The following LDB2 variants were observed in gnomAD, a reference collection of about 807,000 sequenced individuals.
The protein encoded by LDB2 is LIM domain binding 2, also known as LIM domain-binding protein 2.
In LDB2, 12 loss-of-function variants were observed where a neutral mutation model predicts 44.3. That is an observed-to-expected ratio of 0.27 (90% confidence interval 0.17 to 0.44). The LOEUF (loss-of-function observed/expected upper bound fraction) is 0.44, where lower values mean the gene tolerates loss of function less well. Among genes scored for constraint, LDB2 ranks in the 20% least tolerant of loss-of-function variants. The probability of loss-of-function intolerance (pLI) is 1.00; values close to 1 mark genes in which losing one functional copy is unlikely to be tolerated. For missense variants in LDB2, 344 were observed against 473.5 expected, an observed-to-expected ratio of 0.73 and a Z score of 2.54; for synonymous variants, 164 against 174.8, an observed-to-expected ratio of 0.94 and a Z score of 0.49.
At chr4:16,712,985 T>G (rs1756262872) in intron 2 of LDB2, among the ~76,000 whole-genome samples, 1 of 152,218 alleles carries the variant, frequency 6.6e-6, no homozygotes, top group South Asian at 2.1e-4. Context: ...ATAAATAAAT[T>G]GTGGTATAAC....
chr4:16,716,490 G>C (rs990891881), intron 2 of LDB2, among the ~76,000 whole-genome samples: 1 of 152,160 alleles, frequency 6.6e-6, no homozygotes, highest in Admixed American at 6.6e-5. Flanking sequence ...TGGGATTTGC[G>C]ACACCTGAAG....
intron 2 of LDB2, among the ~76,000 whole-genome samples, chr4:16,670,701 A>T (rs1744500582): frequency 6.6e-6 from 1 of 152,240 alleles, no homozygotes; most frequent in Non-Finnish European, 1.5e-5. Flanking sequence ...TTACTTAACT[A>T]TCCTATGCTT....
intron 3 of LDB2, among the ~76,000 whole-genome samples, chr4:16,592,953 T>C (rs2152435463): frequency 6.6e-6 from 1 of 152,296 alleles, no homozygotes; most frequent in Admixed American, 6.5e-5. Context: ...AAACCTTGTT[T>C]TCTATTTGAT....
rs1346826246 is a variant in LDB2 at position 16,502,112 on chromosome 4, AG to A, written c.*530del. ...TGTTGCCCAATGAAAGAAAACATAA[AG>A]AAAAAAAAAATAAGGTACATTTAAA... is the stretch of plus-strand genomic sequence containing the variant. On this transcript the variant is annotated 3_prime_UTR_variant, in exon 8 of 8. Transcript: ENST00000304523. 6.5e-6 allele frequency: 1 copy of A among 153,478 alleles called. No homozygotes were observed. Among genetic ancestry groups the A allele is most frequent in the Non-Finnish European group, 1.5e-5 (1 of 68,706 alleles). The allele number at this position is 153,478 out of a possible 1,614,324, so 9.5% of individuals were successfully genotyped here. A position where few individuals can be genotyped will look rare whatever the true frequency, so the allele number is the denominator to read the frequency against.
chr4:16,630,210 G>A lies in LDB2; in HGVS notation c.236-34335C>T, dbSNP rs908908508. 3.9e-5 allele frequency among the ~76,000 whole-genome samples: 6 copies of A among 152,328 alleles called. No individual in the cohort carries two copies. The East Asian group carries it at 9.7e-4, about 25-fold the overall frequency. On this transcript the variant is annotated intron_variant, in intron 2 of 7. Transcript: ENST00000304523. Reference sequence around the variant, plus strand: ...AGATAAAGGTCGAGTTACCCATAAAGAGAAGCCCAACAGACTAACAGTGAT... The same window carrying A: ...AGATAAAGGTCGAGTTACCCATAAAAAGAAGCCCAACAGACTAACAGTGAT...
At chr4:16,760,554 C>A (rs550495047) in intron 1 of LDB2, among the ~76,000 whole-genome samples, 1 of 152,270 alleles carries the variant, frequency 6.6e-6, no homozygotes, top group South Asian at 2.1e-4. Flanking sequence ...CATGGATCCA[C>A]GTACAAAGTA....
In LDB2 at chr4:16,824,948, C is replaced by T. The variant is rs569341374; in HGVS notation, c.133-65688G>A. On this transcript the variant is annotated intron_variant, in intron 1 of 7. Coordinates refer to ENST00000304523, the MANE Select transcript of LDB2 (RefSeq NM_001290.5). The stretch of plus-strand genomic sequence containing the variant: ...GAAAGCATTACACTGTGATGTCATA[C>T]ATGTTAATGGTACCTAAATAGTACC... Among the ~76,000 whole-genome samples, 5 of 152,314 alleles carry T rather than the reference C, an allele frequency of 3.3e-5. No homozygotes were observed. The South Asian group carries it at 6.2e-4, about 19-fold the overall frequency.
chr4:16,538,567 G>T (rs1321090871), intron 5 of LDB2, among the ~76,000 whole-genome samples: 3 of 152,176 alleles, frequency 2.0e-5, no homozygotes, highest in African/African-American at 7.2e-5. Flanking sequence ...TCACTTGCTT[G>T]CTGAGCACCT....
intron 2 of LDB2, among the ~76,000 whole-genome samples, chr4:16,746,223 A>T (rs1022671548): frequency 6.6e-6 from 1 of 152,360 alleles, no homozygotes; most frequent in Middle Eastern, 3.4e-3. Context: ...ACTGTAAAGC[A>T]TTATTAGAAT....
chr4:16,584,162 G>C (rs371498311), intron 5 of LDB2, among the ~76,000 whole-genome samples: 1 of 152,152 alleles, frequency 6.6e-6, no homozygotes, highest in African/African-American at 2.4e-5. Flanking sequence ...TACATGATGA[G>C]ACTGAACACA....
At chr4:16,834,375 A>G (rs192916841) in intron 1 of LDB2, among the ~76,000 whole-genome samples, 6 of 152,346 alleles carry the variant, frequency 3.9e-5, no homozygotes, top group Admixed American at 6.5e-5. Context: ...CAGATCTGAC[A>G]TCACTGTGCC....
Position 16,617,305 on chromosome 4 carries a change from G to GA in LDB2, c.236-21431dup, listed in dbSNP as rs368774047. Among the ~76,000 whole-genome samples, 17 of 147,538 alleles carry GA rather than the reference G, an allele frequency of 1.2e-4. No homozygotes were observed. In the South Asian group the frequency reaches 1.3e-3, roughly 11 times the overall value. ...GTGGAATACTGAAAACCCTCCCCGG[G>GA]AAAAAAAAAATGGTAGGAAGAAATA... On this transcript the variant is annotated intron_variant, in intron 2 of 7. Coordinates refer to ENST00000304523, the MANE Select transcript of LDB2 (RefSeq NM_001290.5).
At chr4:16,730,736 C>T (rs1760563126) in intron 2 of LDB2, among the ~76,000 whole-genome samples, 1 of 152,018 alleles carries the variant, frequency 6.6e-6, no homozygotes. Flanking sequence ...AAGGGCTGAC[C>T]CAATAGTTTC....
chr4:16,811,100 G>C (rs1316364028), intron 1 of LDB2, among the ~76,000 whole-genome samples: 2 of 152,172 alleles, frequency 1.3e-5, no homozygotes, highest in African/African-American at 4.8e-5. Context: ...TCTAACGCCG[G>C]TATCAGTCTA....
intron 2 of LDB2, chr4:16,674,365 G>A: frequency 1.1e-6 from 1 of 926,764 alleles, no homozygotes; most frequent in Admixed American, 2.3e-5. Context: ...AAAGATAAGA[G>A]CAGTTGCCCT....
chr4:16,858,535 C>T (rs1789840259), intron 1 of LDB2, among the ~76,000 whole-genome samples: 1 of 152,138 alleles, frequency 6.6e-6, no homozygotes. Context: ...AGGGTGTTTG[C>T]TAAGTCCATT....
rs373231996 is a variant in LDB2 at position 16,809,130 on chromosome 4, A to T, written c.133-49870T>A. Among the ~76,000 whole-genome samples, 12 of 152,316 alleles carry T rather than the reference A, an allele frequency of 7.9e-5. No homozygotes were observed. In the East Asian group the frequency reaches 2.3e-3, roughly 29 times the overall value. Reference sequence around the variant, plus strand: ...AAATCTTAGGAGATGGCAGAGCTACAATTGAAAAGAGCCTGGGCCCCTGAA... The same window carrying T: ...AAATCTTAGGAGATGGCAGAGCTACTATTGAAAAGAGCCTGGGCCCCTGAA... On this transcript the variant is annotated intron_variant, in intron 1 of 7. Transcript: ENST00000304523.
chr4:16,782,791 A>G (rs1270319600), intron 1 of LDB2, among the ~76,000 whole-genome samples: 1 of 152,226 alleles, frequency 6.6e-6, no homozygotes, highest in African/African-American at 2.4e-5. Flanking sequence ...GAACACAGTG[A>G]TAAATAAGAA....
chr4:16,759,482 T>C, intron 1 of LDB2: 1 of 478,236 alleles, frequency 2.1e-6, no homozygotes, highest in Middle Eastern at 5.1e-4. Flanking sequence ...ACCAATCGAA[T>C]AAAAATTAAT....
Sources: gnomAD v4.1 joint callset for allele counts (sites outside exome capture counted in the v4.1 genomes callset) on GRCh38, gnomAD v4.1.1 for gene constraint, MANE v1.5 for transcripts, NCBI Gene and HGNC (gene_info 2026-07-23, HGNC 2026-07-21) for gene names.